The following MBD5 variants were observed in gnomAD, a reference collection of about 807,000 sequenced individuals.
The protein encoded by MBD5 is methyl-CpG-binding domain protein 5.
A neutral mutation model predicts 117.3 loss-of-function variants in MBD5; 13 were observed. That is an observed-to-expected ratio of 0.11 (90% confidence interval 0.07 to 0.18). MBD5 has a LOEUF of 0.18. MBD5 is among the 10% of genes least tolerant of loss of function. The pLI is 1.00. For synonymous variants in MBD5, 727 were observed against 766.4 expected, an observed-to-expected ratio of 0.95 and a Z score of 0.85; for missense variants, 1,879 against 2,093.8, an observed-to-expected ratio of 0.90 and a Z score of 2.00.
intron 1 of MBD5, among the ~76,000 whole-genome samples, chr2:148,144,111 G>T (rs540843520): frequency 3.9e-4 from 59 of 152,248 alleles, no homozygotes; most frequent in Middle Eastern, 3.4e-3. Flanking sequence ...AGCACCTGTT[G>T]TTTCCTGACT....
intron 2 of MBD5, among the ~76,000 whole-genome samples, chr2:148,214,620 A>C (rs963330236): frequency 2.0e-5 from 3 of 152,146 alleles, no homozygotes; most frequent in African/African-American, 7.2e-5. Flanking sequence ...AAAAGTGTTC[A>C]ATTTGTTACC....
chr2:148,383,650 CAAAAA>C (rs141039307), intron 4 of MBD5, among the ~76,000 whole-genome samples: 33 of 149,146 alleles, frequency 2.2e-4, no homozygotes, highest in Non-Finnish European at 4.0e-4. Context: ...AGAGACAAAA[CAAAAA>C]AAAAAAGAGA....
At chr2:148,369,076 G>A (rs1005875005) in intron 4 of MBD5, among the ~76,000 whole-genome samples, 4 of 151,994 alleles carry the variant, frequency 2.6e-5, no homozygotes, top group Admixed American at 1.3e-4. Context: ...ACTAAAATGC[G>A]TGACCTCAAT....
chr2:148,093,389 T>C (rs1695989900), intron 1 of MBD5, among the ~76,000 whole-genome samples: 1 of 152,212 alleles, frequency 6.6e-6, no homozygotes, highest in South Asian at 2.1e-4. Context: ...GTATTATCAG[T>C]CATTTTTTTG....
chr2:148,037,344 A>G (rs546638956), intron 1 of MBD5, among the ~76,000 whole-genome samples: 1 of 152,090 alleles, frequency 6.6e-6, no homozygotes, highest in East Asian at 1.9e-4. Flanking sequence ...GTATTTTCAT[A>G]TATTCATTCT....
chr2:148,489,792 A>T lies in MBD5; in HGVS notation c.4160A>T (p.His1387Leu). The change falls in exon 11 of 14, where the codon CAT (histidine) becomes CTT (leucine). Residue 1387 changes from histidine (H) to leucine (L), a missense_variant. Physicochemically the swap from His to Leu is moderately conservative, Grantham distance 99. Around this residue, in one of 4 missense-constraint regions of MBD5, gnomAD observed 1,666 missense variants for 1,792.2 expected, o/e 0.93. Coordinates refer to ENST00000642680, the MANE Select transcript of MBD5 (RefSeq NM_001378120.1). ...IHGRNMGGVD[H>L]DGRLRNSRGA... ...GGACGGAACATGGGAGGTGTTGATC[A>T]TGATGGTAGGCTGAGGAATTCAAGA... 1 of 1,614,080 alleles carries T rather than the reference A, an allele frequency of 6.2e-7. No homozygotes were observed. The highest frequency in any genetic ancestry group is 1.1e-5 in the South Asian group (1 of 91,068).
rs554446442 is a variant in MBD5, at chr2:148,333,166, G to A, written c.-679-9048G>A. ...TTTTCAAATTTTATGTCCCTAAAGA[G>A]TCTTATTTTCTGTTTGTTTTACCCT... On this transcript the variant is annotated intron_variant, in intron 3 of 13. Transcript: ENST00000642680. 2.0e-5 allele frequency among the ~76,000 whole-genome samples: 3 copies of A among 152,202 alleles called. No individual in the cohort carries two copies. In the East Asian group the frequency reaches 5.8e-4, roughly 29 times the overall value.
At chr2:148,148,835 T>C (rs1025437064) in intron 1 of MBD5, among the ~76,000 whole-genome samples, 1 of 152,294 alleles carries the variant, frequency 6.6e-6, no homozygotes, top group South Asian at 2.1e-4. Flanking sequence ...AATGAACTTA[T>C]CATCTTCTAC....
At chr2:148,307,216 T>G (rs988576439) in intron 3 of MBD5, among the ~76,000 whole-genome samples, 4 of 151,758 alleles carry the variant, frequency 2.6e-5, no homozygotes, top group African/African-American at 9.7e-5. Flanking sequence ...TCTTTTAAAA[T>G]TGATAAGACT....
intron 2 of MBD5, among the ~76,000 whole-genome samples, chr2:148,232,566 T>G (rs1471233740): frequency 6.6e-6 from 1 of 152,082 alleles, no homozygotes; most frequent in Admixed American, 6.6e-5. Context: ...CTCGACCACC[T>G]GGGCTCAAGT....
rs529767874 is a variant in MBD5 at position 148,252,564 on chromosome 2, TAGTGGATCTTTA to T, written c.-680+19179_-680+19190del. Among the ~76,000 whole-genome samples, 805 of 152,264 alleles carry T rather than the reference TAGTGGATCTTTA, an allele frequency of 5.3e-3. 9 individuals are homozygous for T. Among genetic ancestry groups the T allele is most frequent in the African/African-American group, 0.019 (776 of 41,558 alleles). ...ATCTTTATGGAAAACCTCTGCAAGT[TAGTGGATCTTTA>T]AGTGGATCTGTCTCCCAGGCTGGAG... On this transcript the variant is annotated intron_variant, in intron 3 of 13. Coordinates refer to ENST00000642680, the MANE Select transcript of MBD5 (RefSeq NM_001378120.1).
chr2:148,507,755 G>A (rs1348604902), intron 12 of MBD5, among the ~76,000 whole-genome samples: 1 of 140,354 alleles, frequency 7.1e-6, no homozygotes, highest in African/African-American at 2.7e-5. Flanking sequence ...GCAAGACTCC[G>A]TCTCAAAAAA....
chr2:148,023,712 A>C (rs1230053256), intron 1 of MBD5, among the ~76,000 whole-genome samples: 1 of 152,094 alleles, frequency 6.6e-6, no homozygotes, highest in Non-Finnish European at 1.5e-5. Flanking sequence ...GTTGCCCAGT[A>C]GGCAGCTGAG....
intron 3 of MBD5, among the ~76,000 whole-genome samples, chr2:148,341,279 G>C (rs1313859938): frequency 6.6e-6 from 1 of 151,910 alleles, no homozygotes; most frequent in Non-Finnish European, 1.5e-5. Flanking sequence ...CATACATCAG[G>C]CTGCTTAAAT....
At chr2:148,074,497 T>G (rs1160047784) in intron 1 of MBD5, among the ~76,000 whole-genome samples, 1 of 127,542 alleles carries the variant, frequency 7.8e-6, no homozygotes, top group African/African-American at 3.1e-5. Context: ...TTTTTTTTGT[T>G]TTTTTTTTTG....
intron 2 of MBD5, among the ~76,000 whole-genome samples, chr2:148,227,274 T>C (rs1159090493): frequency 6.6e-6 from 1 of 152,218 alleles, no homozygotes; most frequent in Non-Finnish European, 1.5e-5. Context: ...TTAATCCATC[T>C]TGAATTAATT....
intron 4 of MBD5, among the ~76,000 whole-genome samples, chr2:148,376,544 G>T (rs1336387211): frequency 6.7e-6 from 1 of 150,174 alleles, no homozygotes; most frequent in Non-Finnish European, 1.5e-5. Context: ...TGGGATTACA[G>T]GCGTGAGCCA....
intron 3 of MBD5, among the ~76,000 whole-genome samples, chr2:148,266,733 A>G (rs192845356): frequency 6.6e-4 from 100 of 152,258 alleles, no homozygotes; most frequent in African/African-American, 2.3e-3. Flanking sequence ...TAATAATAAC[A>G]AAAACTATAG....
chr2:148,302,818 G>A (rs888512422), intron 3 of MBD5, among the ~76,000 whole-genome samples: 8 of 151,518 alleles, frequency 5.3e-5, no homozygotes, highest in African/African-American at 1.9e-4. Flanking sequence ...TTTTTTTAGA[G>A]ATGAGGTGTC....
Sources: gnomAD v4.1 joint callset for allele counts (sites outside exome capture counted in the v4.1 genomes callset) on GRCh38, gnomAD v4.1.1 for gene constraint, gnomAD v4.1.1 regional missense constraint, MANE v1.5 for transcripts, NCBI Gene and HGNC (gene_info 2026-07-23, HGNC 2026-07-21) for gene names.